TRPV6: variants seen among roughly 807,000 people sequenced by gnomAD.
TRPV6 encodes transient receptor potential cation channel subfamily V member 6.
TRPV6 carries 39 observed loss-of-function variants against 79.0 expected under a neutral mutation model. The ratio of observed to expected loss-of-function variants is 0.49; its 90% confidence interval spans 0.38 to 0.64. The LOEUF is 0.64. TRPV6 is among the 30% of genes least tolerant of loss of function. The probability of loss-of-function intolerance (pLI) is 0.00; values close to 1 mark genes in which losing one functional copy is unlikely to be tolerated. For synonymous variants in TRPV6, 373 were observed against 391.9 expected (o/e 0.95, Z 0.57); for missense variants, 813 against 1,011.1 (o/e 0.80, Z 2.66).
intron 14 of TRPV6, 43 bp downstream of exon 14, chr7:142,872,329 G>A (rs770532772): frequency 2.5e-5 from 40 of 1,599,896 alleles, no homozygotes; most frequent in Non-Finnish European, 2.8e-5. Context: ...ATACCCTGCC[G>A]ATGAGGCTTC....
In TRPV6 at chr7:142,877,790, G is replaced by A. The variant is rs754484118; in HGVS notation, c.347-17C>T. On this transcript the variant is annotated splice_polypyrimidine_tract_variant and intron_variant, in intron 2 of 14. Transcript: ENST00000359396. ...CCATGGCTCCTGGCATTTACAGAGA[G>A]GTGGGTTATATGGCTTCTGTGGGAC... 1.2e-6 allele frequency: 2 copies of A among 1,614,140 alleles called. No individual in the cohort carries two copies. Among genetic ancestry groups the A allele is most frequent in the Non-Finnish European group, 1.7e-6 (2 of 1,179,992 alleles).
chr7:142,873,995 C>T lies in TRPV6; in HGVS notation c.1639+81G>A, dbSNP rs1399044414. ...CTGATCTCTGCATTACTCCTCCTCC[C>T]CAAGTTTAGCCAGAGCCAGTGCCCC... On this transcript the variant is annotated intron_variant, in intron 12 of 14. Transcript: ENST00000359396. The surrounding 1 kb of genome is among the most constrained non-coding windows in gnomAD (Gnocchi z 4.8). The T allele has an allele frequency of 2.7e-6, 4 of 1,490,736 alleles. No individual in the cohort carries two copies. The highest frequency in any genetic ancestry group is 2.8e-6 in the Non-Finnish European group (3 of 1,083,920). 92.3% of individuals were successfully genotyped at this position (1,490,736 alleles called of 1,614,324 possible).
chr7:142,880,989 C>T (rs190260786), intron 1 of TRPV6: 1 of 152,222 alleles, frequency 6.6e-6, no homozygotes, highest in Non-Finnish European at 1.5e-5. Flanking sequence ...TAGCCTCCTC[C>T]GACTGTGAAC....
chr7:142,885,424 C>T lies in TRPV6; in HGVS notation c.213G>A (p.Gln71=). ...GCAGCAGGTTCTGCTCATCTCGGCT[C>T]TGGGCCCAGGACTCCCGTCTCTGGA... Residue 71 remains glutamine (Q), a synonymous_variant, in exon 1 of 15, where the codon CAG becomes CAA. Coordinates refer to ENST00000359396, the MANE Select transcript of TRPV6 (RefSeq NM_018646.6). 2 of 1,613,850 alleles carry T rather than the reference C, an allele frequency of 1.2e-6. No individual in the cohort carries two copies. Among genetic ancestry groups the T allele is most frequent in the Non-Finnish European group, 1.7e-6 (2 of 1,179,812 alleles).
Position 142,876,519 on chromosome 7 carries a change from G to T in TRPV6, c.771C>A (p.Asn257Lys), listed in dbSNP as rs1175980052. The T allele has an allele frequency of 6.2e-7, 1 of 1,614,184 alleles. No homozygotes were observed. Residue 257 changes from asparagine (N) to lysine (K), a missense_variant, in exon 6 of 15, where the codon AAC becomes AAA. This residue lies in a region of TRPV6 where 555 missense variants were observed against 631.0 expected (regional missense o/e 0.88). Coordinates refer to ENST00000359396, the MANE Select transcript of TRPV6 (RefSeq NM_018646.6). The stretch of plus-strand genomic sequence containing the variant: ...CATGTCTGTCGTAGGACAGCAACAG[G>T]TTGTACATCTGGCAGGCAAAGGTTT...
intron 10 of TRPV6, 73 bp from the exon 11 acceptor site, chr7:142,874,729 C>T: frequency 6.3e-7 from 1 of 1,574,996 alleles, no homozygotes; most frequent in Non-Finnish European, 8.6e-7. Flanking sequence ...AAGAATGTAG[C>T]TGGGAAAGTA....
intron 13 of TRPV6, among the ~76,000 whole-genome samples, chr7:142,872,763 TTA>T (rs917523245): frequency 1.3e-5 from 2 of 152,182 alleles, no homozygotes; most frequent in African/African-American, 4.8e-5. Flanking sequence ...TAAAGGCCAC[TTA>T]TAAATATAAA....
At chr7:142,872,298 G>T in intron 14 of TRPV6, 74 bp downstream of exon 14, 2 of 1,505,224 alleles carry the variant, frequency 1.3e-6, no homozygotes, top group East Asian at 2.3e-5. Context: ...CCCAGGAGCC[G>T]GAAGCTGTCT....
Position 142,874,623 on chromosome 7 carries a change from C to T in TRPV6, c.1440G>A (p.Met480Ile). The T allele has an allele frequency of 1.2e-6, 2 of 1,614,116 alleles. No homozygotes were observed. Among genetic ancestry groups the T allele is most frequent in the Non-Finnish European group, 1.7e-6 (2 of 1,180,006 alleles). The stretch of plus-strand genomic sequence containing the variant: ...CGCTGGCACTGATGAGCCGCATCAC[C>T]ATGGTCACCAGCACCATGAAGGCAT... Residue 480 changes from methionine to isoleucine, a missense_variant, in exon 11 of 15, where the codon ATG (methionine) becomes ATA (isoleucine). Met to Ile is a conservative substitution (Grantham distance 10). This residue lies in a region of TRPV6 where 555 missense variants were observed against 631.0 expected (regional missense o/e 0.88). Transcript: ENST00000359396.
In TRPV6 at chr7:142,875,866, C is replaced by A. The variant is rs1181979039; in HGVS notation, c.921G>T (p.Gln307His). The A allele has an allele frequency of 1.2e-6, 2 of 1,602,054 alleles. No individual in the cohort carries two copies. Among genetic ancestry groups the A allele is most frequent in the South Asian group, 1.1e-5 (1 of 89,476 alleles). ...TCGAGGTCAGTGGTCCATACGTCCA[C>A]TGGGTGTGCTTCCGCTTCTGCATCA... Residue 307 changes from glutamine (Q) to histidine (H), a missense_variant, in exon 7 of 15, where the codon CAG (glutamine) becomes CAT (histidine). Gln to His is a conservative substitution (Grantham distance 24, BLOSUM62 0). This residue lies in a region of TRPV6 where 555 missense variants were observed against 631.0 expected (regional missense o/e 0.88). Transcript: ENST00000359396.
chr7:142,877,815 C>G, intron 2 of TRPV6, 42 bp from the exon 3 acceptor site: 6 of 1,613,614 alleles, frequency 3.7e-6, no homozygotes, highest in Non-Finnish European at 5.1e-6. Context: ...TTCTGTGGGA[C>G]AGCGGATTGG....
rs1199844555 is a variant in TRPV6, at chr7:142,873,666, A to G, written c.1690T>C (p.Tyr564His). The G allele has an allele frequency of 6.2e-7, 1 of 1,614,096 alleles. No individual in the cohort carries two copies. The highest frequency in any genetic ancestry group is 8.5e-7 in the Non-Finnish European group (1 of 1,180,048). ...CTGAACAGGGCCATGGGGTAGTCGT[A>G]GAAGTGGCCTAGCTCCTCGGGGTCC... The change falls in exon 13 of 15, where the codon TAC becomes CAC. Residue 564 changes from tyrosine to histidine, a missense_variant. Transcript: ENST00000359396. The surrounding 1 kb of genome is among the most constrained non-coding windows in gnomAD (Gnocchi z 4.8).
chr7:142,874,580 A>C lies in TRPV6; in HGVS notation c.1483T>G (p.Ser495Ala). 1 of 1,614,088 alleles carries C rather than the reference A, an allele frequency of 6.2e-7. No homozygotes were observed. The highest frequency in any genetic ancestry group is 8.5e-7 in the Non-Finnish European group (1 of 1,180,020). The change falls in exon 11 of 15, where the codon TCC (serine) becomes GCC (alanine). Residue 495 changes from serine to alanine, a missense_variant. Around this residue, in one of 3 missense-constraint regions of TRPV6, gnomAD observed 94 missense variants for 194.0 expected, o/e 0.48. Coordinates refer to ENST00000359396, the MANE Select transcript of TRPV6 (RefSeq NM_018646.6). ...CACCAGCCCAGCACGAGTGCAAAGG[A>C]CATGGGTACCACCTCCCCGCTGGCA...
chr7:142,871,974 T>C lies in TRPV6; in HGVS notation c.2031A>G (p.Gln677=). 1.3e-6 allele frequency: 2 copies of C among 1,599,464 alleles called. No homozygotes were observed. The highest frequency in any genetic ancestry group is 1.7e-6 in the Non-Finnish European group (2 of 1,171,618). The change falls in exon 15 of 15, where the codon CAA becomes CAG. Residue 677 remains glutamine, a synonymous_variant. Coordinates refer to ENST00000359396, the MANE Select transcript of TRPV6 (RefSeq NM_018646.6). ...GTTGGATCCGCTGCCGGTTGAGATCTTGCCTGTCTTCCACCCTGTGGAATG... is the reference window on the plus strand; with the variant it reads ...GTTGGATCCGCTGCCGGTTGAGATCCTGCCTGTCTTCCACCCTGTGGAATG...
At chr7:142,876,917 T>C in intron 4 of TRPV6, 80 bp from the exon 5 acceptor site, 1 of 1,557,600 alleles carries the variant, frequency 6.4e-7, no homozygotes, top group Non-Finnish European at 8.7e-7. Context: ...GTGACAGCCT[T>C]ATCTTCCCCC....
chr7:142,877,328 AGG>A (rs759647654), intron 3 of TRPV6, 49 bp from the exon 4 acceptor site: 11 of 1,602,722 alleles, frequency 6.9e-6, no homozygotes, highest in African/African-American at 1.3e-5. Context: ...AGGATCCTGC[AGG>A]GGGTCCCTCC....
intron 1 of TRPV6, chr7:142,881,987 C>T: frequency 6.6e-6 from 1 of 152,234 alleles, no homozygotes; most frequent in East Asian, 1.9e-4. Flanking sequence ...CAAATCTGCT[C>T]ATGAAACAGA....
intron 6 of TRPV6, 55 bp downstream of exon 6, chr7:142,876,353 G>A (rs557622016): frequency 1.5e-5 from 24 of 1,572,226 alleles, no homozygotes; most frequent in African/African-American, 1.1e-4. Flanking sequence ...CAGGGCCAGC[G>A]GGATAGGTTG....
Position 142,875,864 on chromosome 7 carries a change from C to A in TRPV6, c.923G>T (p.Trp308Leu). 1 of 1,604,540 alleles carries A rather than the reference C, an allele frequency of 6.2e-7. No individual in the cohort carries two copies. The highest frequency in any genetic ancestry group is 1.7e-5 in the Admixed American group (1 of 58,150). Residue 308 changes from tryptophan to leucine, a missense_variant, in exon 7 of 15, where the codon TGG (tryptophan) becomes TTG (leucine). Transcript: ENST00000359396. ...AGTCGAGGTCAGTGGTCCATACGTC[C>A]ACTGGGTGTGCTTCCGCTTCTGCAT...
Sources: gnomAD v4.1 joint callset for allele counts (sites outside exome capture counted in the v4.1 genomes callset) on GRCh38, gnomAD v4.1.1 for gene constraint, gnomAD v4.1.1 regional missense constraint, Gnocchi (gnomAD v3.1) non-coding constraint, MANE v1.5 for transcripts, NCBI Gene and HGNC (gene_info 2026-07-23, HGNC 2026-07-21) for gene names.